Variants in FARS2 observed in about 807,000 individuals in gnomAD.
FARS2 encodes the protein phenylalanine--tRNA ligase, mitochondrial.
In FARS2, 40 loss-of-function variants were observed where a neutral mutation model predicts 46.4. The ratio of observed to expected loss-of-function variants is 0.86; its 90% CI spans 0.67 to 1.12. FARS2 has a LOEUF of 1.12. FARS2 is among the 50% of genes most tolerant of loss of function. The probability of loss-of-function intolerance (pLI) is 0.00; values close to 1 mark genes in which losing one functional copy is unlikely to be tolerated. For missense variants in FARS2, 513 were observed against 567.9 expected (o/e 0.90, Z 0.98); for synonymous variants, 234 against 214.9 (o/e 1.09, Z -0.78).
intron 6 of FARS2, among the ~76,000 whole-genome samples, chr6:5,613,602 T>C (rs1304067575): frequency 6.6e-6 from 1 of 152,236 alleles, no homozygotes; most frequent in Non-Finnish European, 1.5e-5. Context: ...GGAAGTGACT[T>C]CTTACCTTAG....
chr6:5,306,972 TTATC>T (rs1383012729), intron 1 of FARS2, among the ~76,000 whole-genome samples: 1 of 152,180 alleles, frequency 6.6e-6, no homozygotes, highest in Non-Finnish European at 1.5e-5. Flanking sequence ...GAGAGAAAAC[TTATC>T]TAAGACCCCT....
intron 4 of FARS2, among the ~76,000 whole-genome samples, chr6:5,531,831 G>A (rs987397001): frequency 3.9e-5 from 6 of 152,164 alleles, no homozygotes; most frequent in African/African-American, 7.2e-5. Context: ...AGAAGAAATC[G>A]GAATTTACCT....
intron 1 of FARS2, among the ~76,000 whole-genome samples, chr6:5,262,400 T>G (rs1348125060): frequency 6.6e-6 from 1 of 152,152 alleles, no homozygotes; most frequent in African/African-American, 2.4e-5. Flanking sequence ...TGCCTCAGCC[T>G]CCTGAGTGGC....
chr6:5,324,640 A>T (rs1054760278), intron 1 of FARS2, among the ~76,000 whole-genome samples: 5 of 152,144 alleles, frequency 3.3e-5, no homozygotes, highest in Admixed American at 1.3e-4. Context: ...TCCATTTACC[A>T]ATGTATGAAC....
intron 5 of FARS2, among the ~76,000 whole-genome samples, chr6:5,594,509 A>T (rs891698907): frequency 6.6e-5 from 10 of 152,202 alleles, no homozygotes; most frequent in African/African-American, 2.2e-4. Flanking sequence ...TAATACAGAG[A>T]ATTTAAACTA....
chr6:5,491,322 C>T (rs1278305707), intron 4 of FARS2, among the ~76,000 whole-genome samples: 4 of 151,926 alleles, frequency 2.6e-5, no homozygotes, highest in Non-Finnish European at 5.9e-5. Context: ...AATTTGTTGC[C>T]CCCATCTCTA....
chr6:5,579,591 G>A (rs1773208185), intron 5 of FARS2, among the ~76,000 whole-genome samples: 1 of 152,138 alleles, frequency 6.6e-6, no homozygotes, highest in Non-Finnish European at 1.5e-5. Context: ...AGGTTTTAAT[G>A]CCTGTTCTCT....
intron 6 of FARS2, among the ~76,000 whole-genome samples, chr6:5,716,441 GT>G (rs1759496310): frequency 6.6e-6 from 1 of 151,026 alleles, no homozygotes; most frequent in African/African-American, 2.4e-5. Context: ...CCAAAATGTT[GT>G]TCCTCTGCTC....
intron 5 of FARS2, among the ~76,000 whole-genome samples, chr6:5,563,722 C>G (rs959032850): frequency 3.7e-4 from 57 of 152,234 alleles, no homozygotes; most frequent in African/African-American, 1.3e-3. Context: ...TTGATTGCTT[C>G]TTGGTGAGAA....
Position 5,770,255 on chromosome 6 carries a change from C to T in FARS2, c.1218-1036C>T, listed in dbSNP as rs78068290. 2.4e-3 allele frequency among the ~76,000 whole-genome samples: 364 copies of T among 152,328 alleles called. 4 individuals carry two copies. Among genetic ancestry groups the T allele is most frequent in the African/African-American group, 8.2e-3 (343 of 41,576 alleles). On this transcript the variant is annotated intron_variant, in intron 6 of 6. Coordinates refer to ENST00000274680, the MANE Select transcript of FARS2 (RefSeq NM_006567.5). ...GGTATTACTGAAGGCCCAGCCCTGT[C>T]TCACCTGCCAGAAAGCACGTGGCCT... is the stretch of plus-strand genomic sequence containing the variant.
chr6:5,439,586 G>C (rs180915682), intron 4 of FARS2, among the ~76,000 whole-genome samples: 1 of 152,196 alleles, frequency 6.6e-6, no homozygotes, highest in African/African-American at 2.4e-5. Flanking sequence ...ATCAGAGAGA[G>C]GGATAGACTG....
intron 4 of FARS2, among the ~76,000 whole-genome samples, chr6:5,432,325 A>AT (rs1294858821): frequency 0.064 from 3,010 of 46,888 alleles, 65 homozygotes; most frequent in East Asian, 0.16. Flanking sequence ...AAAAAAAAAA[A>AT]AAATATATAT....
chr6:5,597,598 C>G lies in FARS2; in HGVS notation c.1066-15571C>G, dbSNP rs563320004. Among the ~76,000 whole-genome samples, 123 of 152,330 alleles carry G rather than the reference C, an allele frequency of 8.1e-4. 2 individuals carry two copies. The South Asian group carries it at 0.012, about 15-fold the overall frequency. On this transcript the variant is annotated intron_variant, in intron 5 of 6. Coordinates refer to ENST00000274680, the MANE Select transcript of FARS2 (RefSeq NM_006567.5). ...TCCAAACTCACAGCACTCTGCTAAC[C>G]AAGGCATTGCAGGGACCCGCTGTGA...
At chr6:5,696,967 C>T (rs558927544) in intron 6 of FARS2, among the ~76,000 whole-genome samples, 56 of 152,282 alleles carry the variant, frequency 3.7e-4, no homozygotes, top group African/African-American at 1.3e-3. Flanking sequence ...CCAGCTAGAA[C>T]CTCTTGGGAG....
At chr6:5,631,609 T>C (rs920726210) in intron 6 of FARS2, among the ~76,000 whole-genome samples, 1 of 152,272 alleles carries the variant, frequency 6.6e-6, no homozygotes, top group African/African-American at 2.4e-5. Flanking sequence ...CTTCCATGAC[T>C]GGAATTGTCT....
At chr6:5,294,415 G>C (rs117564600) in intron 1 of FARS2, among the ~76,000 whole-genome samples, 120 of 152,216 alleles carry the variant, frequency 7.9e-4, no homozygotes, top group East Asian at 4.8e-3. Context: ...ACAGAAGAAG[G>C]CTTCTGTGGC....
chr6:5,258,619 T>C (rs964008105), upstream of FARS2, among the ~76,000 whole-genome samples: 5 of 152,234 alleles, frequency 3.3e-5, no homozygotes, highest in Admixed American at 2.6e-4. Context: ...CGTATTTTTA[T>C]AACAAGTAAG....
intron 6 of FARS2, among the ~76,000 whole-genome samples, chr6:5,662,145 G>A (rs955692282): frequency 1.4e-4 from 21 of 152,152 alleles, no homozygotes; most frequent in Non-Finnish European, 4.4e-5. Context: ...TTTACCATGG[G>A]TTTTCCACCT....
At chr6:5,287,098 A>G (rs1767173345) in intron 1 of FARS2, among the ~76,000 whole-genome samples, 1 of 152,240 alleles carries the variant, frequency 6.6e-6, no homozygotes, top group African/African-American at 2.4e-5. Context: ...TTAGCTCTTT[A>G]GGTAAAGAGC....
Sources: allele counts gnomAD v4.1 joint callset (sites outside exome capture counted in the v4.1 genomes callset), GRCh38; gene constraint gnomAD v4.1.1; transcripts MANE v1.5; gene names NCBI Gene and HGNC (gene_info 2026-07-23, HGNC 2026-07-21).